CPNE5: variants seen among roughly 807,000 people sequenced by gnomAD.
The protein encoded by CPNE5 is copine 5, also known as copine-5.
Under a neutral mutation model 81.1 loss-of-function variants are expected in CPNE5, and 42 were observed. That is an observed-to-expected ratio of 0.52 (90% CI 0.40 to 0.67). The LOEUF is 0.67. CPNE5 is among the 30% of genes least tolerant of loss of function. The pLI is 0.00. For missense variants in CPNE5, 612 were observed against 815.5 expected (o/e 0.75, Z 3.04); for synonymous variants, 313 against 321.5 (o/e 0.97, Z 0.28).
chr6:36,817,290 A>C (rs1337878589), intron 3 of CPNE5, among the ~76,000 whole-genome samples: 3 of 152,080 alleles, frequency 2.0e-5, no homozygotes, highest in African/African-American at 7.2e-5. Context: ...ATGCCATTGC[A>C]CTCCAGCCCG....
At chr6:36,838,041 G>C (rs1773680553) in intron 1 of CPNE5, among the ~76,000 whole-genome samples, 1 of 152,116 alleles carries the variant, frequency 6.6e-6, no homozygotes, top group Non-Finnish European at 1.5e-5. Context: ...CTGGCTTAGG[G>C]GGGAAGCTAC....
intron 8 of CPNE5, among the ~76,000 whole-genome samples, chr6:36,779,189 T>C (rs1767806206): frequency 6.6e-6 from 1 of 152,188 alleles, no homozygotes; most frequent in Non-Finnish European, 1.5e-5. Flanking sequence ...CTCTGCCACT[T>C]CCTCTGTGTG....
chr6:36,818,326 G>C (rs79513558), intron 3 of CPNE5, among the ~76,000 whole-genome samples: 3,199 of 152,100 alleles, frequency 0.021, 123 homozygotes, highest in African/African-American at 0.072. Context: ...GTCGTTTCCC[G>C]TTAGGATTGT....
chr6:36,796,492 G>A (rs562071384), intron 6 of CPNE5, among the ~76,000 whole-genome samples: 3 of 152,340 alleles, frequency 2.0e-5, no homozygotes, highest in Admixed American at 2.0e-4. Context: ...CCCAGGTAAA[G>A]CCACGGGTGG....
intron 10 of CPNE5, among the ~76,000 whole-genome samples, chr6:36,773,238 T>C (rs900220918): frequency 1.3e-5 from 2 of 152,140 alleles, no homozygotes; most frequent in Admixed American, 1.3e-4. Flanking sequence ...CCAGCTTTCT[T>C]AGCTGTCCAG....
At chr6:36,744,558 T>G in intron 18 of CPNE5, 1 of 576,248 alleles carries the variant, frequency 1.7e-6, no homozygotes, top group Non-Finnish European at 3.1e-6. Context: ...GCAGGGGGAA[T>G]GGGTCATAGG....
intron 12 of CPNE5, among the ~76,000 whole-genome samples, chr6:36,759,410 G>A (rs1176705064): frequency 6.6e-6 from 1 of 151,254 alleles, no homozygotes; most frequent in Non-Finnish European, 1.5e-5. Flanking sequence ...TGGTGGTCAG[G>A]CGGGGACAGG....
At chr6:36,800,500 A>G (rs1770009264) in intron 3 of CPNE5, among the ~76,000 whole-genome samples, 3 of 152,168 alleles carry the variant, frequency 2.0e-5, no homozygotes, top group Admixed American at 1.3e-4. Context: ...CATGACCACC[A>G]TTCTGAGAAT....
At chr6:36,743,620 G>A in intron 20 of CPNE5, 69 bp downstream of exon 20, 3 of 1,466,384 alleles carry the variant, frequency 2.0e-6, no homozygotes, top group Non-Finnish European at 1.9e-6. Context: ...CCCCCAAAGG[G>A]GGTGTGAGGT....
chr6:36,757,679 A>G (rs1472230787), intron 12 of CPNE5, among the ~76,000 whole-genome samples: 1 of 152,214 alleles, frequency 6.6e-6, no homozygotes, highest in African/African-American at 2.4e-5. Context: ...GACAAGGGCC[A>G]TGGAACAAGG....
chr6:36,808,531 G>A (rs145064658), intron 3 of CPNE5, among the ~76,000 whole-genome samples: 22 of 152,192 alleles, frequency 1.4e-4, no homozygotes, highest in African/African-American at 5.1e-4. Flanking sequence ...GCAGAACATT[G>A]GGGCCCAGGG....
intron 1 of CPNE5, among the ~76,000 whole-genome samples, chr6:36,837,251 C>T (rs1364517795): frequency 6.6e-6 from 1 of 152,252 alleles, no homozygotes; most frequent in African/African-American, 2.4e-5. Flanking sequence ...CCAGGCACTG[C>T]TCTAAGCACA....
intron 9 of CPNE5, among the ~76,000 whole-genome samples, chr6:36,777,001 C>T (rs236419): frequency 0.75 from 114,321 of 152,202 alleles, 43,199 homozygotes; most frequent in Middle Eastern, 0.82. Context: ...TCTTCAGTGC[C>T]CCACGGGATC....
intron 10 of CPNE5, among the ~76,000 whole-genome samples, chr6:36,768,678 G>A (rs1415103449): frequency 2.6e-5 from 4 of 152,208 alleles, no homozygotes; most frequent in South Asian, 2.1e-4. Context: ...TTCTGGGGCC[G>A]GCACCCAAGA....
At chr6:36,758,203 A>C (rs1246362793) in intron 12 of CPNE5, among the ~76,000 whole-genome samples, 1 of 152,172 alleles carries the variant, frequency 6.6e-6, no homozygotes, top group Admixed American at 6.5e-5. Context: ...CCTCCCGGAA[A>C]GGTATGAGGA....
intron 4 of CPNE5, among the ~76,000 whole-genome samples, chr6:36,798,786 T>C (rs1769833340): frequency 1.3e-5 from 2 of 152,132 alleles, no homozygotes; most frequent in African/African-American, 4.8e-5. Context: ...TCATTAAAAA[T>C]GGAAAAAACT....
intron 8 of CPNE5, among the ~76,000 whole-genome samples, chr6:36,780,683 C>T (rs1478624832): frequency 6.6e-6 from 1 of 152,214 alleles, no homozygotes; most frequent in Non-Finnish European, 1.5e-5. Context: ...CCACCTCCAG[C>T]ACCTCACTTG....
intron 10 of CPNE5, among the ~76,000 whole-genome samples, chr6:36,767,473 C>G (rs1372417408): frequency 6.6e-6 from 1 of 152,204 alleles, no homozygotes; most frequent in Admixed American, 6.5e-5. Context: ...AAGGCCCTGA[C>G]TCCCAGTCCA....
chr6:36,800,707 T>C (rs1770032992), intron 3 of CPNE5, among the ~76,000 whole-genome samples: 1 of 152,218 alleles, frequency 6.6e-6, no homozygotes, highest in African/African-American at 2.4e-5. Context: ...AGTCATAGAA[T>C]GTCACTTCCA....
Sources: allele counts gnomAD v4.1 joint callset (sites outside exome capture counted in the v4.1 genomes callset), GRCh38; gene constraint gnomAD v4.1.1; transcripts MANE v1.5; gene names NCBI Gene and HGNC (gene_info 2026-07-23, HGNC 2026-07-21).